Variants in HIPK2 observed in about 807,000 individuals in gnomAD.
HIPK2 encodes the protein homeodomain interacting protein kinase 2.
HIPK2 carries 27 observed loss-of-function variants against 113.7 expected under a neutral mutation model. That is an observed-to-expected ratio of 0.24 (90% CI 0.17 to 0.33). The LOEUF is 0.33. Among genes scored for constraint, HIPK2 ranks in the 10% least tolerant of loss-of-function variants. HIPK2 has a pLI of 1.00. For missense variants in HIPK2, 1,257 were observed against 1,588.0 expected, an observed-to-expected ratio of 0.79 and a Z score of 3.54; for synonymous variants, 631 against 642.2, an observed-to-expected ratio of 0.98 and a Z score of 0.26.
chr7:139,604,002 C>T (rs979883039), intron 10 of HIPK2, 79 bp downstream of exon 10: 13 of 1,590,888 alleles, frequency 8.2e-6, no homozygotes, highest in Non-Finnish European at 1.1e-5. Context: ...TACAGGCCAG[C>T]CTGGCAGCCC....
intron 1 of HIPK2, among the ~76,000 whole-genome samples, chr7:139,753,540 C>T (rs896336104): frequency 6.6e-6 from 1 of 152,186 alleles, no homozygotes; most frequent in Non-Finnish European, 1.5e-5. Flanking sequence ...TTGGAACCAT[C>T]GAGGGAGATT....
chr7:139,582,625 G>C (rs1798704507), intron 13 of HIPK2, among the ~76,000 whole-genome samples: 1 of 152,262 alleles, frequency 6.6e-6, no homozygotes, highest in Non-Finnish European at 1.5e-5. Context: ...GGGAAAAAGA[G>C]CTTCGCCGCA....
chr7:139,572,903 CCCT>C lies in HIPK2; in HGVS notation c.*21_*23del. 2 of 395,992 alleles carry C rather than the reference CCCT, an allele frequency of 5.1e-6. No homozygotes were observed. Among genetic ancestry groups the C allele is most frequent in the East Asian group, 6.3e-5 (1 of 15,920 alleles). The allele number at this position is 395,992 out of a possible 1,614,324, so 24.5% of individuals were successfully genotyped here. ...CCCTCGGGCCATTCTCTCCCTCCCT[CCCT>C]CCCTCCCTCCCCTCCAGTGTTTATA... On this transcript the variant is annotated 3_prime_UTR_variant, in exon 15 of 15. Coordinates refer to ENST00000406875, the MANE Select transcript of HIPK2 (RefSeq NM_022740.5).
intron 2 of HIPK2, among the ~76,000 whole-genome samples, chr7:139,638,908 C>A (rs554283703): frequency 6.6e-6 from 1 of 152,188 alleles, no homozygotes; most frequent in East Asian, 1.9e-4. Context: ...CCGCCCGCCT[C>A]GGCCTCCCAA....
At position 139,564,955 on chromosome 7, in the gene HIPK2, A is replaced by C. The variant is rs544626483; in HGVS notation, c.*7972T>G. 6.6e-6 allele frequency: 1 copy of C among 152,306 alleles called. No homozygotes were observed. Among genetic ancestry groups the C allele is most frequent in the African/African-American group, 2.4e-5 (1 of 41,564 alleles). 9.4% of individuals were successfully genotyped at this position (152,306 alleles called of 1,614,324 possible). A position where few individuals can be genotyped will look rare whatever the true frequency, so the allele number is the denominator to read the frequency against. ...CATTTGAGTACAACACACAAAGAAT[A>C]ATCTCTTCCTTGGTTTAATTTTTGT... is the stretch of plus-strand genomic sequence containing the variant. On this transcript the variant is annotated 3_prime_UTR_variant, in exon 15 of 15. Transcript: ENST00000406875.
chr7:139,686,573 C>T (rs944404511), intron 2 of HIPK2, among the ~76,000 whole-genome samples: 1 of 152,130 alleles, frequency 6.6e-6, no homozygotes, highest in African/African-American at 2.4e-5. Context: ...TTATAAGGGG[C>T]TTTCCTCCCA....
intron 2 of HIPK2, among the ~76,000 whole-genome samples, chr7:139,675,780 A>G (rs1802476661): frequency 6.6e-6 from 1 of 152,134 alleles, no homozygotes; most frequent in Non-Finnish European, 1.5e-5. Flanking sequence ...ATGAACTGGG[A>G]CTGGGAGAAG....
Position 139,777,627 on chromosome 7 carries a change from G to A in HIPK2, c.-4C>T, listed in dbSNP as rs1449320439. 14 of 1,085,722 alleles carry A rather than the reference G, an allele frequency of 1.3e-5. No individual in the cohort carries two copies. Among genetic ancestry groups the A allele is most frequent in the Non-Finnish European group, 1.1e-6 (1 of 893,138 alleles). The allele number at this position is 1,085,722 out of a possible 1,614,324, so 67.3% of individuals were successfully genotyped here. A position where few individuals can be genotyped will look rare whatever the true frequency, so the allele number is the denominator to read the frequency against. ...TACCTTCGTACACGGGGGCCATCGG[G>A]GCCGGGGTGTCCGCGGTTCATGGCA... On this transcript the variant is annotated 5_prime_UTR_variant, in exon 1 of 15. Coordinates refer to ENST00000406875, the MANE Select transcript of HIPK2 (RefSeq NM_022740.5).
chr7:139,752,449 G>C (rs1028961283), intron 1 of HIPK2, among the ~76,000 whole-genome samples: 4 of 152,128 alleles, frequency 2.6e-5, no homozygotes, highest in African/African-American at 9.7e-5. Flanking sequence ...TACTCAACGT[G>C]TCTGCATGTG....
chr7:139,688,444 G>T (rs1266971790), intron 2 of HIPK2, among the ~76,000 whole-genome samples: 1 of 152,092 alleles, frequency 6.6e-6, no homozygotes. Context: ...GACACAGGAA[G>T]GTGTGGAAGA....
intron 1 of HIPK2, among the ~76,000 whole-genome samples, chr7:139,760,699 T>C (rs1796448207): frequency 6.6e-6 from 1 of 152,194 alleles, no homozygotes; most frequent in South Asian, 2.1e-4. Context: ...AGCATAAGGA[T>C]TTTAAAACTA....
At chr7:139,654,812 C>CAG (rs1451433961) in intron 2 of HIPK2, among the ~76,000 whole-genome samples, 2 of 152,204 alleles carry the variant, frequency 1.3e-5, no homozygotes, top group Non-Finnish European at 2.9e-5. Context: ...TATCAACTCT[C>CAG]AAACTACTCC....
chr7:139,581,035 C>T (rs904786001), intron 13 of HIPK2, among the ~76,000 whole-genome samples: 3 of 151,816 alleles, frequency 2.0e-5, no homozygotes, highest in Non-Finnish European at 2.9e-5. Flanking sequence ...GCCTGGCTAA[C>T]GCGGTGAAAC....
At chr7:139,587,633 C>T (rs898067099) in intron 12 of HIPK2, among the ~76,000 whole-genome samples, 9 of 151,878 alleles carry the variant, frequency 5.9e-5, no homozygotes, top group East Asian at 1.9e-4. Flanking sequence ...AAGCTAGGTG[C>T]GGTAGCTCAC....
In HIPK2 at chr7:139,745,095, G is replaced by A. The variant is rs138630187; in HGVS notation, c.20-28080C>T. Among the ~76,000 whole-genome samples the A allele has an allele frequency of 6.2e-3, 950 of 152,300 alleles. 11 individuals are homozygous for A. The highest frequency in any genetic ancestry group is 0.021 in the African/African-American group (852 of 41,546). On this transcript the variant is annotated intron_variant, in intron 1 of 14. Coordinates refer to ENST00000406875, the MANE Select transcript of HIPK2 (RefSeq NM_022740.5). The stretch of plus-strand genomic sequence containing the variant: ...CGTATTGTTCACTGCAATTAGTTAG[G>A]AATCAAAAGGTAGAAGGAGTTCACC...
intron 2 of HIPK2, among the ~76,000 whole-genome samples, chr7:139,665,264 C>T (rs190312346): frequency 1.9e-3 from 288 of 152,268 alleles, no homozygotes; most frequent in African/African-American, 6.7e-3. Context: ...GTATTGAACT[C>T]CTGGGCTCAA....
intron 6 of HIPK2, among the ~76,000 whole-genome samples, chr7:139,623,134 C>T (rs1800296960): frequency 6.6e-6 from 1 of 152,142 alleles, no homozygotes; most frequent in African/African-American, 2.4e-5. Context: ...GGAGCCCTAT[C>T]CAGTAAATTG....
intron 2 of HIPK2, among the ~76,000 whole-genome samples, chr7:139,710,777 T>C (rs1795039858): frequency 6.6e-6 from 1 of 152,196 alleles, no homozygotes; most frequent in Non-Finnish European, 1.5e-5. Context: ...GAAAGATGAC[T>C]GAGTCATGGG....
intron 9 of HIPK2, among the ~76,000 whole-genome samples, chr7:139,611,331 T>A (rs1332642897): frequency 6.6e-6 from 1 of 152,168 alleles, no homozygotes; most frequent in Non-Finnish European, 1.5e-5. Context: ...GAATCCAATA[T>A]TAAAAAGCAT....
Sources: gnomAD v4.1 joint callset for allele counts (sites outside exome capture counted in the v4.1 genomes callset) on GRCh38, gnomAD v4.1.1 for gene constraint, MANE v1.5 for transcripts, NCBI Gene and HGNC (gene_info 2026-07-23, HGNC 2026-07-21) for gene names.